ADK: variants seen among roughly 807,000 people sequenced by gnomAD.
ADK encodes N6,N6-dimethyladenosine kinase.
A neutral mutation model predicts 44.7 loss-of-function variants in ADK; 24 were observed. The observed-to-expected ratio is 0.54, with a 90% confidence interval of 0.39 to 0.76. ADK has a LOEUF of 0.76. Ranked by LOEUF, ADK falls within the 30% of genes least tolerant of loss-of-function variation. ADK has a pLI of 0.00. For missense variants in ADK, 321 were observed against 425.1 expected (o/e 0.76, Z 2.15); for synonymous variants, 128 against 142.6 (o/e 0.90, Z 0.73).
chr10:74,274,044 A>T (rs2132419351), intron 3 of ADK, among the ~76,000 whole-genome samples: 2 of 152,114 alleles, frequency 1.3e-5, no homozygotes, highest in Middle Eastern at 3.4e-3. Flanking sequence ...TTGACTCAAG[A>T]TCAAACTAAA....
intron 7 of ADK, among the ~76,000 whole-genome samples, chr10:74,558,465 G>A (rs1426731872): frequency 2.0e-5 from 3 of 152,184 alleles, no homozygotes. Context: ...TCTCATGACA[G>A]GAGTAAATTC....
At chr10:74,356,002 A>ATATTGGGT (rs57958159) in intron 4 of ADK, among the ~76,000 whole-genome samples, 1 of 83,310 alleles carries the variant, frequency 1.2e-5, no homozygotes, top group Non-Finnish European at 2.2e-5. Flanking sequence ...TAAATAATTC[A>ATATTGGGT]TTTTTTTTTT....
intron 6 of ADK, among the ~76,000 whole-genome samples, chr10:74,440,774 G>T (rs1007955360): frequency 6.6e-6 from 1 of 152,032 alleles, no homozygotes; most frequent in South Asian, 2.1e-4. Flanking sequence ...TCCAAAGAGG[G>T]TTGAATAGTA....
intron 4 of ADK, among the ~76,000 whole-genome samples, chr10:74,315,414 A>G (rs531393171): frequency 9.2e-5 from 14 of 152,108 alleles, no homozygotes; most frequent in Admixed American, 2.6e-4. Context: ...ATATCTTCCA[A>G]TGAGTAATTG....
intron 3 of ADK, among the ~76,000 whole-genome samples, chr10:74,256,118 G>A (rs1845814395): frequency 6.6e-6 from 1 of 152,174 alleles, no homozygotes. Flanking sequence ...GGCAGAGAAA[G>A]CATTCTGACA....
At chr10:74,161,232 C>T (rs921227231) in intron 1 of ADK, among the ~76,000 whole-genome samples, 1 of 152,124 alleles carries the variant, frequency 6.6e-6, no homozygotes, top group African/African-American at 2.4e-5. Context: ...GATGAAGTCT[C>T]GCTCTGCTGC....
chr10:74,543,818 T>G (rs1424591738), intron 7 of ADK, among the ~76,000 whole-genome samples: 4 of 152,204 alleles, frequency 2.6e-5, no homozygotes, highest in Non-Finnish European at 4.4e-5. Context: ...TAAAAAGTGA[T>G]CATTCTTTAA....
intron 3 of ADK, among the ~76,000 whole-genome samples, chr10:74,279,161 C>T (rs1020297901): frequency 2.0e-5 from 3 of 152,144 alleles, no homozygotes; most frequent in Admixed American, 6.5e-5. Flanking sequence ...CGCCTGTAAT[C>T]CCAGCTACTC....
At chr10:74,660,468 T>C (rs1043895870) in intron 9 of ADK, among the ~76,000 whole-genome samples, 1 of 152,172 alleles carries the variant, frequency 6.6e-6, no homozygotes, top group Non-Finnish European at 1.5e-5. Flanking sequence ...CCTGGCACAG[T>C]GGCTCATGCC....
intron 3 of ADK, among the ~76,000 whole-genome samples, chr10:74,267,027 C>A (rs992832544): frequency 6.6e-6 from 1 of 152,116 alleles, no homozygotes; most frequent in Non-Finnish European, 1.5e-5. Context: ...ACACATTTTT[C>A]CTTGTCAATA....
chr10:74,465,759 G>T (rs1474097343), intron 6 of ADK, among the ~76,000 whole-genome samples: 1 of 152,058 alleles, frequency 6.6e-6, no homozygotes, highest in African/African-American at 2.4e-5. Flanking sequence ...ACTAAGAGAG[G>T]GTAAATGGGG....
At chr10:74,555,034 C>A (rs922343583) in intron 7 of ADK, among the ~76,000 whole-genome samples, 1 of 151,480 alleles carries the variant, frequency 6.6e-6, no homozygotes, top group Admixed American at 6.6e-5. Context: ...CGGTGGCTCA[C>A]GCCTGTAATC....
chr10:74,326,770 T>C (rs993134700), intron 4 of ADK, among the ~76,000 whole-genome samples: 1 of 152,268 alleles, frequency 6.6e-6, no homozygotes, highest in Middle Eastern at 3.4e-3. Flanking sequence ...AATTAAATTT[T>C]GGTAGATTAT....
At chr10:74,319,929 A>G (rs767993784) in intron 4 of ADK, among the ~76,000 whole-genome samples, 6 of 152,182 alleles carry the variant, frequency 3.9e-5, no homozygotes, top group Non-Finnish European at 7.3e-5. Context: ...TTGCATGCCC[A>G]TTAACATAGA....
intron 6 of ADK, among the ~76,000 whole-genome samples, chr10:74,493,084 T>G (rs1376928140): frequency 1.3e-5 from 2 of 152,216 alleles, no homozygotes; most frequent in African/African-American, 4.8e-5. Context: ...GGCTTTCAGC[T>G]TCAATTTTTA....
chr10:74,276,236 C>A (rs1341624352), intron 3 of ADK, among the ~76,000 whole-genome samples: 1 of 152,246 alleles, frequency 6.6e-6, no homozygotes, highest in Middle Eastern at 3.4e-3. Flanking sequence ...AGGCATAAAA[C>A]CCAACCTATC....
At chr10:74,516,650 A>C (rs1468935252) in intron 6 of ADK, 1 of 152,088 alleles carries the variant, frequency 6.6e-6, no homozygotes, top group African/African-American at 2.4e-5. Flanking sequence ...CAGCCTCCCA[A>C]GTAGCTGGGA....
intron 1 of ADK, among the ~76,000 whole-genome samples, chr10:74,180,582 T>C (rs867219293): frequency 1.3e-5 from 2 of 150,416 alleles, no homozygotes; most frequent in Non-Finnish European, 3.0e-5. Flanking sequence ...CCTCAGCCTC[T>C]CTAGTAGCTG....
intron 6 of ADK, among the ~76,000 whole-genome samples, chr10:74,470,171 C>T (rs376482397): frequency 1.7e-4 from 26 of 151,786 alleles, no homozygotes; most frequent in Non-Finnish European, 2.4e-4. Context: ...ACTACAGGTG[C>T]GCGCAACCAC....
Sources: allele counts gnomAD v4.1 joint callset (sites outside exome capture counted in the v4.1 genomes callset), GRCh38; gene constraint gnomAD v4.1.1; transcripts MANE v1.5; gene names NCBI Gene and HGNC (gene_info 2026-07-23, HGNC 2026-07-21).